The following GLCE variants were observed in gnomAD, a reference collection of about 807,000 sequenced individuals.
The protein encoded by GLCE is glucuronic acid epimerase, also known as D-glucuronyl C5-epimerase.
GLCE carries 19 observed loss-of-function variants against 47.9 expected under a neutral mutation model. The ratio of observed to expected loss-of-function variants is 0.40; its 90% CI spans 0.28 to 0.58. GLCE has a LOEUF of 0.58. Ranked by LOEUF, GLCE falls within the 20% of genes least tolerant of loss-of-function variation. The pLI, the probability that GLCE is intolerant of heterozygous loss-of-function variation, is 0.48. For synonymous variants in GLCE, 245 were observed against 263.4 expected (o/e 0.93, Z 0.68); for missense variants, 556 against 743.3 (o/e 0.75, Z 2.93).
chr15:69,173,268 A>G (rs1003593197), intron 1 of GLCE, among the ~76,000 whole-genome samples: 44 of 152,250 alleles, frequency 2.9e-4, no homozygotes, highest in African/African-American at 9.4e-4. Flanking sequence ...AGAATGAAGC[A>G]TGTCTTGAAA....
In GLCE at chr15:69,269,175, C is replaced by A. The variant is rs771427602; in HGVS notation, c.1785C>A (p.Ser595=). 6.2e-7 allele frequency: 1 copy of A among 1,613,460 alleles called. No homozygotes were observed. Among genetic ancestry groups the A allele is most frequent in the Non-Finnish European group, 8.5e-7 (1 of 1,179,452 alleles). The change falls in exon 5 of 5, where the codon TCC becomes TCA. Residue 595 remains serine, a synonymous_variant. Transcript: ENST00000261858. The stretch of plus-strand genomic sequence containing the variant: ...AGCTACTCAGTACCATTGATGAGTC[C>A]CCAGTCTTCAAAGAATTTGTCAAGA... ...QLQLLSTIDE[S]PVFKEFVKRW... is the part of the protein sequence containing the mutation.
rs1275972687 is a variant in GLCE at position 69,270,004 on chromosome 15, C to T, written c.*760C>T. The stretch of plus-strand genomic sequence containing the variant: ...AATCAGTATATCCCTTCCCAACCCC[C>T]ATTGTGACAGTTTCTTTTTGTCACT... On this transcript the variant is annotated 3_prime_UTR_variant, in exon 5 of 5. Transcript: ENST00000261858. The T allele has an allele frequency of 6.6e-6, 1 of 152,620 alleles. No individual in the cohort carries two copies. Among genetic ancestry groups the T allele is most frequent in the Non-Finnish European group, 1.5e-5 (1 of 68,036 alleles). The allele number at this position is 152,620 out of a possible 1,614,324, so 9.5% of individuals were successfully genotyped here.
chr15:69,197,186 C>A, intron 1 of GLCE: 1 of 422,062 alleles, frequency 2.4e-6, no homozygotes, highest in South Asian at 1.8e-5. Flanking sequence ...ACCAACGCTT[C>A]AAAAGTTGAA....
intron 2 of GLCE, among the ~76,000 whole-genome samples, chr15:69,245,911 T>C (rs1185633854): frequency 1.3e-5 from 2 of 152,082 alleles, no homozygotes; most frequent in Non-Finnish European, 2.9e-5. Context: ...ATATTTTTAG[T>C]AGAGACAGGG....
At chr15:69,224,136 G>T (rs548308390) in intron 2 of GLCE, among the ~76,000 whole-genome samples, 1 of 152,094 alleles carries the variant, frequency 6.6e-6, no homozygotes, top group East Asian at 1.9e-4. Flanking sequence ...GTGATTTTTT[G>T]TTGTTGTTGA....
intron 2 of GLCE, among the ~76,000 whole-genome samples, chr15:69,226,306 G>A (rs2052446494): frequency 6.6e-6 from 1 of 152,170 alleles, no homozygotes; most frequent in African/African-American, 2.4e-5. Flanking sequence ...TGTTGGAAGT[G>A]TTAGGTTAGA....
intron 1 of GLCE, among the ~76,000 whole-genome samples, chr15:69,183,097 G>T (rs1238481057): frequency 6.6e-6 from 1 of 152,044 alleles, no homozygotes; most frequent in East Asian, 1.9e-4. Context: ...TATAAAATAG[G>T]GTTGAGGGAA....
chr15:69,191,118 T>C (rs1035466643), intron 1 of GLCE, among the ~76,000 whole-genome samples: 4 of 152,180 alleles, frequency 2.6e-5, no homozygotes, highest in Non-Finnish European at 5.9e-5. Flanking sequence ...GAAATATCTT[T>C]TATAGTTACC....
intron 1 of GLCE, among the ~76,000 whole-genome samples, chr15:69,170,194 A>G (rs1200358470): frequency 6.6e-6 from 1 of 152,184 alleles, no homozygotes; most frequent in Non-Finnish European, 1.5e-5. Context: ...AAAATATCTT[A>G]CTTAATTTGT....
intron 2 of GLCE, among the ~76,000 whole-genome samples, chr15:69,248,370 G>C (rs115678792): frequency 0.01 from 1,523 of 152,242 alleles, 23 homozygotes; most frequent in African/African-American, 0.032. Flanking sequence ...CCAATATACA[G>C]CATCACAGTC....
intron 2 of GLCE, among the ~76,000 whole-genome samples, chr15:69,215,601 G>C (rs1435263310): frequency 6.6e-6 from 1 of 151,738 alleles, no homozygotes; most frequent in Non-Finnish European, 1.5e-5. Flanking sequence ...CATTTCACTT[G>C]AGTGAATACC....
At chr15:69,169,699 C>T (rs1273371456) in intron 1 of GLCE, among the ~76,000 whole-genome samples, 1 of 152,116 alleles carries the variant, frequency 6.6e-6, no homozygotes, top group African/African-American at 2.4e-5. Flanking sequence ...CAGCTTCATC[C>T]ATGTCCCTAC....
chr15:69,227,582 C>A (rs2052467616), intron 2 of GLCE, among the ~76,000 whole-genome samples: 1 of 152,110 alleles, frequency 6.6e-6, no homozygotes, highest in African/African-American at 2.4e-5. Context: ...CGAACATAAA[C>A]CTTGCAAGAA....
intron 1 of GLCE, among the ~76,000 whole-genome samples, chr15:69,181,787 G>A (rs1236926067): frequency 6.6e-6 from 1 of 151,988 alleles, no homozygotes; most frequent in Non-Finnish European, 1.5e-5. Context: ...TAAGAGAGAT[G>A]TTCAAAGAGT....
intron 1 of GLCE, among the ~76,000 whole-genome samples, chr15:69,202,802 A>G (rs955405173): frequency 1.3e-5 from 2 of 151,744 alleles, no homozygotes; most frequent in African/African-American, 4.9e-5. Flanking sequence ...TAATTTCAGT[A>G]CATACCAAGT....
At chr15:69,266,715 C>T (rs150762907) in intron 4 of GLCE, 4 of 929,244 alleles carry the variant, frequency 4.3e-6, no homozygotes, top group African/African-American at 3.5e-5. Context: ...TCTAAGAGAA[C>T]CTTTCTATTG....
In GLCE at chr15:69,240,459, T is replaced by G. The variant is rs182540070; in HGVS notation, c.-13-15335T>G. 1.9e-4 allele frequency among the ~76,000 whole-genome samples: 29 copies of G among 152,300 alleles called. 1 individual carries two copies. The highest frequency in any genetic ancestry group is 1.8e-3 in the Admixed American group (27 of 15,288). On this transcript the variant is annotated intron_variant, in intron 2 of 4. Transcript: ENST00000261858. ...AAGAAAATTGTAGAAAACATTTTTT[T>G]ATGCTTGTAGATTTTTTAAATTGTG...
At chr15:69,211,014 T>A (rs1035140716) in intron 2 of GLCE, among the ~76,000 whole-genome samples, 2 of 152,134 alleles carry the variant, frequency 1.3e-5, no homozygotes, top group Non-Finnish European at 2.9e-5. Context: ...CTAACTGATT[T>A]TAGTTGTCAG....
chr15:69,263,571 T>G (rs1009158797), intron 4 of GLCE, among the ~76,000 whole-genome samples: 7 of 152,212 alleles, frequency 4.6e-5, no homozygotes, highest in Admixed American at 1.3e-4. Context: ...TTTTCTAATT[T>G]TAAAATTGAA....
Sources: gnomAD v4.1 joint callset for allele counts (sites outside exome capture counted in the v4.1 genomes callset) on GRCh38, gnomAD v4.1.1 for gene constraint, MANE v1.5 for transcripts, NCBI Gene and HGNC (gene_info 2026-07-23, HGNC 2026-07-21) for gene names.